Variants in TGFBRAP1 observed in about 807,000 individuals in gnomAD.
TGFBRAP1 encodes the protein transforming growth factor beta receptor associated protein 1.
TGFBRAP1 carries 20 observed loss-of-function variants against 83.2 expected under a neutral mutation model. The observed-to-expected ratio is 0.24, with a 90% CI of 0.17 to 0.35. TGFBRAP1 has a LOEUF of 0.35. TGFBRAP1 is among the 10% of genes least tolerant of loss of function. The probability of loss-of-function intolerance (pLI) is 1.00; values close to 1 mark genes in which losing one functional copy is unlikely to be tolerated. For synonymous variants in TGFBRAP1, 415 were observed against 459.8 expected, an observed-to-expected ratio of 0.90 and a Z score of 1.25; for missense variants, 950 against 1,099.4, an observed-to-expected ratio of 0.86 and a Z score of 1.92.
the TGFBRAP1 span, among the ~76,000 whole-genome samples, chr2:105,258,895 A>C: frequency 1.3e-5 from 2 of 152,198 alleles, no homozygotes; most frequent in Non-Finnish European, 1.5e-5. Flanking sequence ...GCTGCTTAAG[A>C]AGCAGCTTGT....
intron 2 of TGFBRAP1, among the ~76,000 whole-genome samples, chr2:105,305,963 T>G (rs1278331750): frequency 1.3e-5 from 2 of 151,896 alleles, no homozygotes; most frequent in Non-Finnish European, 2.9e-5. Context: ...CCTCAACAAC[T>G]TTTTAGAATG....
downstream of TGFBRAP1, among the ~76,000 whole-genome samples, chr2:105,263,939 CCT>C (rs1676845345): frequency 6.6e-6 from 1 of 152,114 alleles, no homozygotes; most frequent in African/African-American, 2.4e-5. Flanking sequence ...TGAACATACC[CCT>C]TTCTTCAGGG....
chr2:105,250,659 C>T, the TGFBRAP1 span, among the ~76,000 whole-genome samples: 2 of 150,348 alleles, frequency 1.3e-5, no homozygotes, highest in East Asian at 2.0e-4. Context: ...CCTCTCCCCA[C>T]GGTCTCCCTC....
In TGFBRAP1 at chr2:105,269,901, C is replaced by G. The variant is rs1476852292; in HGVS notation, c.1973-196G>C. 6.6e-6 allele frequency among the ~76,000 whole-genome samples: 1 copy of G among 152,148 alleles called. No homozygotes were observed. The highest frequency in any genetic ancestry group is 6.5e-5 in the Admixed American group (1 of 15,276). On this transcript the variant is annotated intron_variant, in intron 10 of 11. Coordinates refer to ENST00000393359, the MANE Select transcript of TGFBRAP1 (RefSeq NM_004257.6). The surrounding 1 kb of genome is among the most constrained non-coding windows in gnomAD (Gnocchi z 4.1). ...ACTGTGAATCCAGGTGTTAGTAAAA[C>G]AGAAGGCAGACTCTACTCAAAAGTA... is the stretch of plus-strand genomic sequence containing the variant.
At chr2:105,284,227 C>T in intron 5 of TGFBRAP1, 89 bp downstream of exon 5, 1 of 1,245,050 alleles carries the variant, frequency 8.0e-7, no homozygotes, top group Admixed American at 1.7e-5. Flanking sequence ...CCATGCAACA[C>T]ATCCCACCGC....
At chr2:105,294,695 C>T (rs1467976149) in intron 4 of TGFBRAP1, among the ~76,000 whole-genome samples, 2 of 152,000 alleles carry the variant, frequency 1.3e-5, no homozygotes, top group African/African-American at 2.4e-5. Context: ...ACAAAAAAAC[C>T]CTGAGATACC....
At chr2:105,305,523 A>T (rs1558647954) in intron 2 of TGFBRAP1, among the ~76,000 whole-genome samples, 1 of 152,238 alleles carries the variant, frequency 6.6e-6, no homozygotes, top group Non-Finnish European at 1.5e-5. Flanking sequence ...GAGCACTGCT[A>T]AAGCCCCTTT....
intron 8 of TGFBRAP1, among the ~76,000 whole-genome samples, chr2:105,274,218 T>C (rs1677259979): frequency 6.6e-6 from 1 of 152,174 alleles, no homozygotes; most frequent in African/African-American, 2.4e-5. Context: ...CCTGAGTAAG[T>C]TTCCGGGCTG....
At chr2:105,249,510 G>A in the TGFBRAP1 span, 29,501 of 152,006 alleles carry the variant, frequency 0.19, 2,984 homozygotes, top group Middle Eastern at 0.31. Flanking sequence ...AGAGTTCTAC[G>A]TCCAAATACA....
chr2:105,319,192 C>T (rs545237252), intron 1 of TGFBRAP1, among the ~76,000 whole-genome samples: 1 of 152,014 alleles, frequency 6.6e-6, no homozygotes, highest in Admixed American at 6.5e-5. Flanking sequence ...TCCTGAGTAC[C>T]TGGGATTACA....
the TGFBRAP1 span, among the ~76,000 whole-genome samples, chr2:105,252,749 A>AT: frequency 1.2e-5 from 1 of 84,602 alleles, no homozygotes; most frequent in Non-Finnish European, 2.3e-5. Flanking sequence ...TGATATTAAC[A>AT]TCTTTTTTTT....
chr2:105,318,142 T>C (rs1345382323), intron 1 of TGFBRAP1, among the ~76,000 whole-genome samples: 1 of 152,156 alleles, frequency 6.6e-6, no homozygotes, highest in Non-Finnish European at 1.5e-5. Context: ...GTTTTGTGCT[T>C]ACCAGGGCAA....
At chr2:105,257,969 GTGGAA>G in the TGFBRAP1 span, among the ~76,000 whole-genome samples, 37 of 152,282 alleles carry the variant, frequency 2.4e-4, no homozygotes, top group African/African-American at 7.2e-4. Context: ...ACATATACTT[GTGGAA>G]TGAATGAATA....
At chr2:105,318,506 C>G (rs1678954822) in intron 1 of TGFBRAP1, among the ~76,000 whole-genome samples, 1 of 152,130 alleles carries the variant, frequency 6.6e-6, no homozygotes, top group Non-Finnish European at 1.5e-5. Context: ...CTCATTTCCC[C>G]AAACCAGCTT....
At position 105,269,327 on chromosome 2, in the gene TGFBRAP1, A is replaced by G. The variant is rs1677061814; in HGVS notation, c.2351T>C (p.Met784Thr). The change falls in exon 11 of 12, where the codon ATG becomes ACG. Residue 784 changes from methionine (M) to threonine (T), a missense_variant. By Grantham distance (81) the Met-to-Thr change is moderately conservative. Transcript: ENST00000393359. This position sits in a 1 kb window ranked among gnomAD's most constrained non-coding sequence, Gnocchi z 4.1. ...CCTGGCCAGGCCGAGAGCCACCTGC[A>G]TGGTCCTCCTGGCATGGATGCTGTC... ...MRDSIHARRT[M>T]QVALGLARSE... 1.9e-6 allele frequency: 3 copies of G among 1,613,704 alleles called. No individual in the cohort carries two copies. The highest frequency in any genetic ancestry group is 2.5e-6 in the Non-Finnish European group (3 of 1,179,712).
In TGFBRAP1 at chr2:105,269,236, C is replaced by T; in HGVS notation, c.2406+36G>A. 1.9e-6 allele frequency: 3 copies of T among 1,540,508 alleles called. No individual in the cohort carries two copies. The highest frequency in any genetic ancestry group is 2.6e-6 in the Non-Finnish European group (3 of 1,139,364). On this transcript the variant is annotated intron_variant, in intron 11 of 11. Coordinates refer to ENST00000393359, the MANE Select transcript of TGFBRAP1 (RefSeq NM_004257.6). The surrounding 1 kb of genome is among the most constrained non-coding windows in gnomAD (Gnocchi z 4.1). ...AAATCTACCTTCAGTACAATGTTGA[C>T]TGACCAGGAAGCAGCTCGTGGGGGC...
At chr2:105,251,217 C>G in the TGFBRAP1 span, among the ~76,000 whole-genome samples, 1 of 150,238 alleles carries the variant, frequency 6.7e-6, no homozygotes. Context: ...AGCCCCTCCG[C>G]CCGGCCGCCA....
In TGFBRAP1 at chr2:105,308,042, G is replaced by A. The variant is rs750589192; in HGVS notation, c.260C>T (p.Ala87Val). ...KPVNELRAAS[A>V]LNRLLVLCDN... is the part of the protein sequence containing the mutation. ...ACACAGCACCAGCAGCCTGTTGAGT[G>A]CTGAGGCCGCACGCAGCTCGTTCAC... The change falls in exon 2 of 12, where the codon GCA becomes GTA. Residue 87 changes from alanine to valine, a missense_variant. Ala to Val is a moderately conservative substitution (Grantham distance 64). Coordinates refer to ENST00000393359, the MANE Select transcript of TGFBRAP1 (RefSeq NM_004257.6). 2.4e-5 allele frequency: 38 copies of A among 1,613,856 alleles called. No individual in the cohort carries two copies. The highest frequency in any genetic ancestry group is 3.1e-5 in the Non-Finnish European group (36 of 1,179,944).
chr2:105,274,382 C>G (rs968059479), intron 8 of TGFBRAP1, among the ~76,000 whole-genome samples: 1 of 152,212 alleles, frequency 6.6e-6, no homozygotes, highest in Non-Finnish European at 1.5e-5. Flanking sequence ...GCACCTCCCC[C>G]CTCCAAGGCC....
Sources: gnomAD v4.1 joint callset for allele counts (sites outside exome capture counted in the v4.1 genomes callset) on GRCh38, gnomAD v4.1.1 for gene constraint, Gnocchi (gnomAD v3.1) non-coding constraint, MANE v1.5 for transcripts, NCBI Gene and HGNC (gene_info 2026-07-23, HGNC 2026-07-21) for gene names.